The following CNTN4 variants were observed in gnomAD, a reference collection of about 807,000 sequenced individuals.
CNTN4 encodes the protein contactin-4.
Under a neutral mutation model 122.5 loss-of-function variants are expected in CNTN4, and 77 were observed. That is an observed-to-expected ratio of 0.63 (90% CI 0.52 to 0.76). The LOEUF (loss-of-function observed/expected upper bound fraction) is 0.76, where lower values mean the gene tolerates loss of function less well. Among genes scored for constraint, CNTN4 ranks in the 30% least tolerant of loss-of-function variants. CNTN4 has a pLI of 0.00. For synonymous variants in CNTN4, 512 were observed against 447.0 expected, an observed-to-expected ratio of 1.15 and a Z score of -1.83; for missense variants, 1,256 against 1,259.1, an observed-to-expected ratio of 1.00 and a Z score of 0.04.
At chr3:2,377,149 C>T (rs2045850049) in intron 3 of CNTN4, among the ~76,000 whole-genome samples, 1 of 107,494 alleles carries the variant, frequency 9.3e-6, no homozygotes, top group Non-Finnish European at 1.9e-5. Context: ...AGCGAGATTC[C>T]ATCTCAAGGA....
chr3:2,571,841 TCCCAGTG>T (rs2079434662), intron 4 of CNTN4, among the ~76,000 whole-genome samples: 1 of 150,740 alleles, frequency 6.6e-6, no homozygotes, highest in Non-Finnish European at 1.5e-5. Flanking sequence ...TTTTTGCTCA[TCCCAGTG>T]CCCAGTTGCA....
Position 2,318,248 on chromosome 3 carries a change from A to T in CNTN4, c.-144-20930A>T, listed in dbSNP as rs116337413. Among the ~76,000 whole-genome samples the T allele has an allele frequency of 5.8e-3, 876 of 151,750 alleles. 6 individuals are homozygous for T. The highest frequency in any genetic ancestry group is 0.027 in the Middle Eastern group (8 of 294). On this transcript the variant is annotated intron_variant, in intron 2 of 24. Coordinates refer to ENST00000418658, the MANE Select transcript of CNTN4 (RefSeq NM_175607.3). ...AAAAAAAAAAAAAGAGTATGTGTAT[A>T]TTGATATGTAATCATGTGACTAGAC...
At chr3:2,321,300 C>A (rs1262967364) in intron 2 of CNTN4, among the ~76,000 whole-genome samples, 1 of 152,122 alleles carries the variant, frequency 6.6e-6, no homozygotes, top group Non-Finnish European at 1.5e-5. Flanking sequence ...GTTCAAATCT[C>A]ATCTCCACCA....
intron 5 of CNTN4, among the ~76,000 whole-genome samples, chr3:2,737,187 T>C (rs763024229): frequency 1.3e-5 from 2 of 152,076 alleles, no homozygotes; most frequent in African/African-American, 2.4e-5. Context: ...TTAAAGGGAC[T>C]CTGGCACCTC....
At chr3:2,896,175 A>T (rs1172571718) in intron 10 of CNTN4, among the ~76,000 whole-genome samples, 1 of 152,212 alleles carries the variant, frequency 6.6e-6, no homozygotes, top group Non-Finnish European at 1.5e-5. Context: ...TTATAATACA[A>T]GATATCAGCC....
intron 4 of CNTN4, among the ~76,000 whole-genome samples, chr3:2,713,176 T>C (rs1412022171): frequency 1.3e-5 from 2 of 152,114 alleles, no homozygotes; most frequent in Admixed American, 1.3e-4. Flanking sequence ...GTCTTCAGCC[T>C]GTGAGATCTG....
At chr3:2,252,919 T>C (rs1485875657) in intron 2 of CNTN4, among the ~76,000 whole-genome samples, 1 of 152,124 alleles carries the variant, frequency 6.6e-6, no homozygotes, top group South Asian at 2.1e-4. Context: ...AAGTTCTTAG[T>C]CTTTAAAGCT....
At chr3:2,622,522 C>G (rs1018939920) in intron 4 of CNTN4, among the ~76,000 whole-genome samples, 2 of 152,042 alleles carry the variant, frequency 1.3e-5, no homozygotes, top group African/African-American at 4.8e-5. Flanking sequence ...CCTCAGCCCA[C>G]CTCGGCCTCC....
chr3:2,995,747 G>T (rs1695477007), intron 14 of CNTN4, among the ~76,000 whole-genome samples: 1 of 152,140 alleles, frequency 6.6e-6, no homozygotes, highest in Admixed American at 6.6e-5. Flanking sequence ...AGTACCTTTT[G>T]TTGGTGACTA....
At position 2,409,873 on chromosome 3, in the gene CNTN4, G is replaced by A. The variant is rs527404357; in HGVS notation, c.-89+70640G>A. Among the ~76,000 whole-genome samples, 376 of 151,926 alleles carry A rather than the reference G, an allele frequency of 2.5e-3. 1 individual carries two copies. The highest frequency in any genetic ancestry group is 0.017 in the Middle Eastern group (5 of 294). On this transcript the variant is annotated intron_variant, in intron 3 of 24. Coordinates refer to ENST00000418658, the MANE Select transcript of CNTN4 (RefSeq NM_175607.3). ...ATTTTCTAAATTATATATATATACT[G>A]AAACAGACAGATACAGTTTATGGCT...
At chr3:2,594,640 T>G (rs989926848) in intron 4 of CNTN4, among the ~76,000 whole-genome samples, 5 of 126,594 alleles carry the variant, frequency 3.9e-5, no homozygotes, top group African/African-American at 5.7e-5. Context: ...CAGGCTGGTC[T>G]TGAACTCCTG....
chr3:2,758,834 T>A (rs1242859554), intron 6 of CNTN4, among the ~76,000 whole-genome samples: 1 of 151,964 alleles, frequency 6.6e-6, no homozygotes, highest in Non-Finnish European at 1.5e-5. Flanking sequence ...TTTAGTAACA[T>A]CTTTGTTAAG....
intron 3 of CNTN4, among the ~76,000 whole-genome samples, chr3:2,369,935 G>T (rs1014218258): frequency 1.3e-5 from 2 of 151,876 alleles, no homozygotes; most frequent in Non-Finnish European, 2.9e-5. Flanking sequence ...TGTCACCATC[G>T]TTTTGATACA....
chr3:2,118,361 A>G (rs1412988562), intron 2 of CNTN4, among the ~76,000 whole-genome samples: 2 of 152,230 alleles, frequency 1.3e-5, no homozygotes, highest in Non-Finnish European at 1.5e-5. Flanking sequence ...TGATCAGTGT[A>G]TGCTTAAAAC....
chr3:2,402,481 T>C (rs1575558279), intron 3 of CNTN4, among the ~76,000 whole-genome samples: 1 of 152,164 alleles, frequency 6.6e-6, no homozygotes, highest in African/African-American at 2.4e-5. Context: ...AAACATACAA[T>C]GTGTAATTAT....
At chr3:2,675,628 T>G (rs936217404) in intron 4 of CNTN4, among the ~76,000 whole-genome samples, 3 of 152,254 alleles carry the variant, frequency 2.0e-5, no homozygotes, top group Middle Eastern at 3.4e-3. Flanking sequence ...TAGAAAAAGG[T>G]CTGGCACATA....
chr3:3,009,713 G>T (rs550534800), intron 14 of CNTN4, among the ~76,000 whole-genome samples: 10 of 152,170 alleles, frequency 6.6e-5, no homozygotes, highest in South Asian at 2.1e-4. Context: ...GATTACAGGC[G>T]TGAGCCACCG....
intron 6 of CNTN4, among the ~76,000 whole-genome samples, chr3:2,790,518 A>C (rs894713224): frequency 6.6e-6 from 1 of 152,236 alleles, no homozygotes; most frequent in Non-Finnish European, 1.5e-5. Flanking sequence ...AGATGTGCTC[A>C]GTGTCACTGG....
intron 3 of CNTN4, among the ~76,000 whole-genome samples, chr3:2,490,175 A>T (rs1210063628): frequency 7.4e-6 from 1 of 135,440 alleles, no homozygotes; most frequent in Non-Finnish European, 1.6e-5. Context: ...CAAACAAGCA[A>T]ACGTGAACAT....
Sources: allele counts gnomAD v4.1 joint callset (sites outside exome capture counted in the v4.1 genomes callset), GRCh38; gene constraint gnomAD v4.1.1; transcripts MANE v1.5; gene names NCBI Gene and HGNC (gene_info 2026-07-23, HGNC 2026-07-21).